The following VAT1L variants were observed in gnomAD, a reference collection of about 807,000 sequenced individuals.
VAT1L encodes the protein vesicle amine transport 1 like.
VAT1L carries 34 observed loss-of-function variants against 44.1 expected under a neutral mutation model. That is an observed-to-expected ratio of 0.77 (90% confidence interval 0.59 to 1.03). VAT1L has a LOEUF of 1.03. VAT1L is among the 50% of genes least tolerant of loss of function. The probability of loss-of-function intolerance (pLI) is 0.00; values close to 1 mark genes in which losing one functional copy is unlikely to be tolerated. For missense variants in VAT1L, 615 were observed against 538.8 expected (o/e 1.14, Z -1.40); for synonymous variants, 253 against 202.2 (o/e 1.25, Z -2.13).
At chr16:77,862,623 TAAAA>T (rs34096024) in intron 3 of VAT1L, 121 bp from the exon 4 acceptor site, 3,359 of 394,424 alleles carry the variant, frequency 8.5e-3, no homozygotes, top group Non-Finnish European at 9.3e-3. Flanking sequence ...ACTCCATCTC[TAAAA>T]AAAAAAAAAA....
chr16:77,937,418 C>T (rs2142508086), intron 7 of VAT1L, among the ~76,000 whole-genome samples: 1 of 152,218 alleles, frequency 6.6e-6, no homozygotes, highest in Middle Eastern at 3.4e-3. Flanking sequence ...GTTTTGGCAC[C>T]AAATGTAAGA....
intron 7 of VAT1L, among the ~76,000 whole-genome samples, chr16:77,893,117 A>G (rs2017285859): frequency 6.6e-6 from 1 of 152,192 alleles, no homozygotes; most frequent in African/African-American, 2.4e-5. Flanking sequence ...TAAAAACTAA[A>G]TAACAACAAC....
At chr16:77,878,249 G>A (rs1426288080) in intron 5 of VAT1L, among the ~76,000 whole-genome samples, 1 of 152,056 alleles carries the variant, frequency 6.6e-6, no homozygotes, top group East Asian at 1.9e-4. Flanking sequence ...AAAAGTAATG[G>A]CAAAAACCAC....
chr16:77,929,345 G>T (rs941462732), intron 7 of VAT1L, among the ~76,000 whole-genome samples: 5 of 152,146 alleles, frequency 3.3e-5, no homozygotes, highest in Admixed American at 2.6e-4. Context: ...GGTAGAAAGA[G>T]GAGTTATATG....
intron 1 of VAT1L, among the ~76,000 whole-genome samples, chr16:77,793,927 T>C (rs1439193598): frequency 6.6e-6 from 1 of 152,238 alleles, no homozygotes; most frequent in East Asian, 1.9e-4. Flanking sequence ...ATACACTCTT[T>C]GTTTCATTTC....
chr16:77,878,069 T>A (rs2017108541), intron 5 of VAT1L, among the ~76,000 whole-genome samples: 1 of 152,244 alleles, frequency 6.6e-6, no homozygotes, highest in Non-Finnish European at 1.5e-5. Context: ...AAATTCAACT[T>A]GATTAATCCC....
chr16:77,840,732 T>C (rs558913769), intron 3 of VAT1L, among the ~76,000 whole-genome samples: 1 of 152,286 alleles, frequency 6.6e-6, no homozygotes, highest in East Asian at 1.9e-4. Context: ...GGCAGATACG[T>C]GTTTGATTCC....
intron 6 of VAT1L, chr16:77,882,060 G>C (rs1357912542): frequency 6.6e-6 from 1 of 152,192 alleles, no homozygotes; most frequent in Non-Finnish European, 1.5e-5. Flanking sequence ...AGAACGCTTT[G>C]TACCTGGAGG....
At chr16:77,926,358 A>G (rs886349849) in intron 7 of VAT1L, among the ~76,000 whole-genome samples, 2 of 151,940 alleles carry the variant, frequency 1.3e-5, no homozygotes, top group African/African-American at 4.8e-5. Flanking sequence ...TGAGGCAGGC[A>G]GATCGCCTAA....
At chr16:77,900,039 AAG>A (rs1323773938) in intron 7 of VAT1L, among the ~76,000 whole-genome samples, 1 of 152,176 alleles carries the variant, frequency 6.6e-6, no homozygotes, top group Non-Finnish European at 1.5e-5. Context: ...TGACAATTCA[AAG>A]AGGCTATACC....
At chr16:77,874,337 C>T (rs1014560506) in intron 4 of VAT1L, among the ~76,000 whole-genome samples, 9 of 151,932 alleles carry the variant, frequency 5.9e-5, no homozygotes, top group East Asian at 1.9e-4. Flanking sequence ...AAAACAGACC[C>T]GGGCAGAAGT....
intron 3 of VAT1L, among the ~76,000 whole-genome samples, chr16:77,834,867 TCA>T (rs1195050459): frequency 2.0e-5 from 3 of 152,168 alleles, no homozygotes; most frequent in Non-Finnish European, 4.4e-5. Flanking sequence ...AAAATACTTC[TCA>T]GTTTGCTCAT....
At position 77,910,659 on chromosome 16, in the gene VAT1L, G is replaced by A. The variant is rs529468377; in HGVS notation, c.1077+25857G>A. Among the ~76,000 whole-genome samples the A allele has an allele frequency of 2.9e-3, 343 of 119,578 alleles. 2 individuals carry two copies. The highest frequency in any genetic ancestry group is 0.011 in the African/African-American group (331 of 30,450). 78.4% of individuals were successfully genotyped at this position (119,578 alleles called of 152,430 possible). On this transcript the variant is annotated intron_variant, in intron 7 of 8. Transcript: ENST00000302536. ...ACTGCACTCCAGCCTGGGCAACAGAGTGAGACTCCTTCTCAAAAAAAAAAA... is the reference window on the plus strand; with the variant it reads ...ACTGCACTCCAGCCTGGGCAACAGAATGAGACTCCTTCTCAAAAAAAAAAA...
rs561884659 is a variant in VAT1L at position 77,973,804 on chromosome 16, C to A, written c.1161+1871C>A. On this transcript the variant is annotated intron_variant, in intron 8 of 8. Transcript: ENST00000302536. The stretch of plus-strand genomic sequence containing the variant: ...GCAGTGGTGCGATCTTGGCTCACTG[C>A]AAGCTCCACCTCCCAGGTTAATGCC... 3.3e-5 allele frequency among the ~76,000 whole-genome samples: 5 copies of A among 152,036 alleles called. No homozygotes were observed. The South Asian group carries it at 1.0e-3, about 32-fold the overall frequency.
chr16:77,813,846 C>G (rs1311169023), intron 1 of VAT1L, among the ~76,000 whole-genome samples: 1 of 152,142 alleles, frequency 6.6e-6, no homozygotes, highest in Non-Finnish European at 1.5e-5. Context: ...GCCACTCCTC[C>G]AATACTGGGC....
At chr16:77,922,381 C>T (rs1033389602) in intron 7 of VAT1L, among the ~76,000 whole-genome samples, 33 of 152,190 alleles carry the variant, frequency 2.2e-4, no homozygotes, top group African/African-American at 7.7e-4. Flanking sequence ...GAGTCACACA[C>T]GTTTCAAATG....
At chr16:77,909,616 GAC>G (rs2017476519) in intron 7 of VAT1L, among the ~76,000 whole-genome samples, 1 of 137,822 alleles carries the variant, frequency 7.3e-6, no homozygotes, top group African/African-American at 2.8e-5. Flanking sequence ...CAGCCTGGGC[GAC>G]AGAGGGAGAC....
chr16:77,821,016 C>G (rs923983621), intron 2 of VAT1L, among the ~76,000 whole-genome samples: 4 of 152,144 alleles, frequency 2.6e-5, no homozygotes, highest in African/African-American at 9.7e-5. Context: ...GAAAGCTTCT[C>G]CAGGACTGAA....
intron 7 of VAT1L, among the ~76,000 whole-genome samples, chr16:77,955,722 C>T (rs1040821234): frequency 2.4e-5 from 3 of 122,852 alleles, no homozygotes; most frequent in African/African-American, 9.5e-5. Flanking sequence ...CTCCATATCC[C>T]CCCCCCCAAA....
Sources: allele counts gnomAD v4.1 joint callset (sites outside exome capture counted in the v4.1 genomes callset), GRCh38; gene constraint gnomAD v4.1.1; transcripts MANE v1.5; gene names NCBI Gene and HGNC (gene_info 2026-07-23, HGNC 2026-07-21).